Variants in KDM3B observed in about 807,000 individuals in gnomAD.
KDM3B encodes lysine-specific demethylase 3B.
In KDM3B, 10 loss-of-function variants were observed where a neutral mutation model predicts 170.0. The ratio of observed to expected loss-of-function variants is 0.06; its 90% CI spans 0.04 to 0.10. The LOEUF is 0.10. Ranked by LOEUF, KDM3B falls within the 10% of genes least tolerant of loss-of-function variation. The pLI is 1.00. For missense variants in KDM3B, 1,394 were observed against 2,195.2 expected (o/e 0.64, Z 7.29); for synonymous variants, 831 against 834.8 (o/e 1.00, Z 0.08).
intron 1 of KDM3B, among the ~76,000 whole-genome samples, chr5:138,358,306 C>CTTTTTTTT (rs71306181): frequency 9.2e-6 from 1 of 108,272 alleles, no homozygotes; most frequent in Non-Finnish European, 1.7e-5. Context: ...TTCTTTCTTT[C>CTTTTTTTT]TTTTTTTTTT....
At position 138,412,073 on chromosome 5, in the gene KDM3B, T is replaced by C. The variant is rs1260905437; in HGVS notation, c.3200-3059T>C. On this transcript the variant is annotated intron_variant, in intron 11 of 23. Transcript: ENST00000314358. ...CGTAAAAGCTGGGCACGGTGGCTCA[T>C]GCCTGTAATCCCAGCACTTTGGGAG... Among the ~76,000 whole-genome samples, 6 of 149,626 alleles carry C rather than the reference T, an allele frequency of 4.0e-5. No homozygotes were observed. In the East Asian group the frequency reaches 1.0e-3, roughly 26 times the overall value.
intron 17 of KDM3B, among the ~76,000 whole-genome samples, chr5:138,426,206 C>T (rs1763386982): frequency 6.6e-6 from 1 of 152,096 alleles, no homozygotes; most frequent in Admixed American, 6.5e-5. Flanking sequence ...AAATAAGACA[C>T]ACACTAAAGT....
chr5:138,380,638 TTGG>T (rs2126933511), intron 5 of KDM3B, among the ~76,000 whole-genome samples: 1 of 152,274 alleles, frequency 6.6e-6, no homozygotes, highest in African/African-American at 2.4e-5. Context: ...ACATTATTTA[TTGG>T]AATAAATTTA....
chr5:138,405,443 C>T (rs2126969776), intron 11 of KDM3B, among the ~76,000 whole-genome samples: 1 of 152,210 alleles, frequency 6.6e-6, no homozygotes, highest in East Asian at 1.9e-4. Flanking sequence ...GAGGTTGAGG[C>T]CGCAGGGAGC....
chr5:138,384,791 G>A (rs185790121), intron 6 of KDM3B, among the ~76,000 whole-genome samples: 2 of 149,406 alleles, frequency 1.3e-5, no homozygotes, highest in African/African-American at 4.9e-5. Flanking sequence ...GCACACACCT[G>A]TAGTCCCAGC....
intron 11 of KDM3B, among the ~76,000 whole-genome samples, chr5:138,407,941 G>A (rs1436687736): frequency 6.6e-6 from 1 of 152,156 alleles, no homozygotes; most frequent in Non-Finnish European, 1.5e-5. Context: ...GAAGTCCTTG[G>A]TAAGGTTTTC....
At chr5:138,424,529 T>A (rs1013088164) in intron 16 of KDM3B, among the ~76,000 whole-genome samples, 188 bp downstream of exon 16, 1 of 152,244 alleles carries the variant, frequency 6.6e-6, no homozygotes, top group African/African-American at 2.4e-5. Context: ...AGCTCACGCC[T>A]GTAATCTCAG....
In KDM3B at chr5:138,386,514, A is replaced by G; in HGVS notation, c.1273A>G (p.Thr425Ala). ...CATAGTGGCTTCCGCAGCTGTGGTCACTACCGCCAGCTCCACCCCAAACAC... is the reference window on the plus strand; with the variant it reads ...CATAGTGGCTTCCGCAGCTGTGGTCGCTACCGCCAGCTCCACCCCAAACAC... Reference protein sequence around the residue: ...QGIVASAAVVTTASSTPNTVR... With the variant: ...QGIVASAAVVATASSTPNTVR... Residue 425 changes from threonine (T) to alanine (A), a missense_variant, in exon 7 of 24, where the codon ACT becomes GCT. Physicochemically the swap from Thr to Ala is moderately conservative, Grantham distance 58. This residue lies in a region of KDM3B where 205 missense variants were observed against 227.6 expected (regional missense o/e 0.90). Transcript: ENST00000314358. 1 of 1,614,214 alleles carries G rather than the reference A, an allele frequency of 6.2e-7. No individual in the cohort carries two copies. Among genetic ancestry groups the G allele is most frequent in the Non-Finnish European group, 8.5e-7 (1 of 1,180,034 alleles).
intron 1 of KDM3B, among the ~76,000 whole-genome samples, chr5:138,353,900 C>T (rs1013190213): frequency 1.3e-5 from 2 of 152,066 alleles, no homozygotes; most frequent in Non-Finnish European, 2.9e-5. Context: ...CACTTTATTT[C>T]CTCATTTTGA....
rs1762431351 is a variant in KDM3B at position 138,391,614 on chromosome 5, C to T, written c.1982C>T (p.Ser661Phe). 6.2e-7 allele frequency: 1 copy of T among 1,614,034 alleles called. No homozygotes were observed. Among genetic ancestry groups the T allele is most frequent in the Non-Finnish European group, 8.5e-7 (1 of 1,180,026 alleles). Residue 661 changes from serine to phenylalanine, a missense_variant, in exon 8 of 24, where the codon TCT becomes TTT. By Grantham distance (155) the Ser-to-Phe change is radical. Around this residue, in one of 19 missense-constraint regions of KDM3B, gnomAD observed 294 missense variants for 311.7 expected, o/e 0.94. Transcript: ENST00000314358. The surrounding 1 kb of genome is among the most constrained non-coding windows in gnomAD (Gnocchi z 5.0). ...GCATCTCAGGCATCAGGTAGCTCCT[C>T]TTCTGCTACCACTGTCACCTCCAAG... ...SFASQASGSS[S>F]SATTVTSKVA...
chr5:138,402,345 G>A (rs1017672101), intron 11 of KDM3B, among the ~76,000 whole-genome samples: 2 of 152,052 alleles, frequency 1.3e-5, no homozygotes, highest in Non-Finnish European at 2.9e-5. Flanking sequence ...TTCCCTCTTC[G>A]GAGGTATAAT....
At chr5:138,377,280 G>A (rs1762022354) in intron 3 of KDM3B, among the ~76,000 whole-genome samples, 1 of 152,164 alleles carries the variant, frequency 6.6e-6, no homozygotes, top group Non-Finnish European at 1.5e-5. Context: ...GAGAAACACT[G>A]GCCTAAATAA....
intron 15 of KDM3B, among the ~76,000 whole-genome samples, chr5:138,423,390 T>C (rs564074142): frequency 6.6e-6 from 1 of 152,360 alleles, no homozygotes; most frequent in African/African-American, 2.4e-5. Context: ...TAGGGATTAG[T>C]AATACTGTAA....
chr5:138,370,450 A>G (rs1470406743), intron 1 of KDM3B, among the ~76,000 whole-genome samples: 2 of 152,236 alleles, frequency 1.3e-5, no homozygotes, highest in Admixed American at 1.3e-4. Context: ...CTGAATTTTC[A>G]TATCATTATA....
intron 11 of KDM3B, among the ~76,000 whole-genome samples, chr5:138,413,331 C>T (rs1258725501): frequency 6.7e-6 from 1 of 149,604 alleles, no homozygotes; most frequent in Non-Finnish European, 1.5e-5. Flanking sequence ...TGCAGTGAGC[C>T]GAGATCACAC....
At chr5:138,372,538 C>T in intron 1 of KDM3B, 136 bp from the exon 2 acceptor site, 1 of 694,800 alleles carries the variant, frequency 1.4e-6, no homozygotes, top group Non-Finnish European at 2.4e-6. Flanking sequence ...ATTATTGACA[C>T]CCATTAAAAT....
intron 9 of KDM3B, among the ~76,000 whole-genome samples, chr5:138,397,260 C>T (rs1762571565): frequency 6.6e-6 from 1 of 151,794 alleles, no homozygotes; most frequent in Non-Finnish European, 1.5e-5. Flanking sequence ...GCATGAACCC[C>T]GGAGGAGGCG....
chr5:138,435,594 C>T (rs1763653444), intron 23 of KDM3B, 26 bp from the exon 24 acceptor site: 3 of 1,593,798 alleles, frequency 1.9e-6, no homozygotes, highest in African/African-American at 2.7e-5. Context: ...CTGCTGTGAA[C>T]TGACTTTGCT....
intron 1 of KDM3B, among the ~76,000 whole-genome samples, chr5:138,359,127 C>A (rs1157717911): frequency 6.6e-6 from 1 of 151,816 alleles, no homozygotes; most frequent in African/African-American, 2.4e-5. Context: ...ATGAACTCAT[C>A]ATTTTTTATG....
Sources: allele counts gnomAD v4.1 joint callset (sites outside exome capture counted in the v4.1 genomes callset), GRCh38; gene constraint gnomAD v4.1.1; regional missense constraint gnomAD v4.1.1; non-coding constraint Gnocchi (gnomAD v3.1); transcripts MANE v1.5; gene names NCBI Gene and HGNC (gene_info 2026-07-23, HGNC 2026-07-21).